CASZ1: variants seen among roughly 807,000 people sequenced by gnomAD.
CASZ1 encodes castor zinc finger 1, also known as zinc finger protein castor homolog 1.
Under a neutral mutation model 135.2 loss-of-function variants are expected in CASZ1, and 28 were observed. The observed-to-expected ratio is 0.21, with a 90% CI of 0.15 to 0.28. The LOEUF (loss-of-function observed/expected upper bound fraction) is 0.28. Among genes scored for constraint, CASZ1 ranks in the 10% least tolerant of loss-of-function variants. CASZ1 has a pLI of 1.00. For missense variants in CASZ1, 2,161 were observed against 2,453.3 expected, an observed-to-expected ratio of 0.88 and a Z score of 2.52; for synonymous variants, 1,068 against 1,073.4, an observed-to-expected ratio of 0.99 and a Z score of 0.10.
Position 10,776,036 on chromosome 1 carries a change from T to C in CASZ1, c.-233-15179A>G, listed in dbSNP as rs1217920857. The stretch of plus-strand genomic sequence containing the variant: ...CCATCAGTGGGGTCTGCTCGGTCCC[T>C]GTAGCTAATTTACACCCGTCAGGGT... On this transcript the variant is annotated intron_variant, in intron 1 of 20. Coordinates refer to ENST00000377022, the MANE Select transcript of CASZ1 (RefSeq NM_001079843.3). The surrounding 1 kb of genome is among the most constrained non-coding windows in gnomAD (Gnocchi z 4.1). 6.6e-6 allele frequency among the ~76,000 whole-genome samples: 1 copy of C among 152,204 alleles called. No individual in the cohort carries two copies. Among genetic ancestry groups the C allele is most frequent in the Non-Finnish European group, 1.5e-5 (1 of 68,034 alleles).
chr1:10,718,863 T>TTTCTC (rs372365476), intron 2 of CASZ1, among the ~76,000 whole-genome samples: 295 of 152,306 alleles, frequency 1.9e-3, no homozygotes, highest in African/African-American at 6.9e-3. Context: ...TGCCTCTTTC[T>TTTCTC]TTTTCTTTTC....
rs1326329660 is a variant in CASZ1, at chr1:10,639,251, G to A, written c.4971C>T (p.Pro1657=). The stretch of plus-strand genomic sequence containing the variant: ...CGGCGGCGGCGCCCTCGCGCGGCCC[G>A]GGGGCGGCGGCGTCGGGCGGGCCGG... ...GDPGPPDAAA[P]GPREGAAAAA... The change falls in exon 21 of 21, where the codon CCC becomes CCT. Residue 1657 remains proline (P), a synonymous_variant. Coordinates refer to ENST00000377022, the MANE Select transcript of CASZ1 (RefSeq NM_001079843.3). This position sits in a 1 kb window ranked among gnomAD's most constrained non-coding sequence, Gnocchi z 4.0. The A allele has an allele frequency of 5.9e-5, 56 of 946,854 alleles. No homozygotes were observed. Among genetic ancestry groups the A allele is most frequent in the Non-Finnish European group, 6.9e-5 (55 of 795,326 alleles). 58.7% of individuals were successfully genotyped at this position (946,854 alleles called of 1,614,324 possible).
At position 10,707,596 on chromosome 1, in the gene CASZ1, T is replaced by C. The variant is rs1349916627; in HGVS notation, c.-76-2052A>G. Among the ~76,000 whole-genome samples the C allele has an allele frequency of 3.3e-5, 5 of 152,074 alleles. No homozygotes were observed. The highest frequency in any genetic ancestry group is 9.7e-5 in the African/African-American group (4 of 41,404). ...AGGGACCAGGACATGCACGGGGTCC[T>C]GTACCCCACCTGCCCAGGGCAGGTG... On this transcript the variant is annotated intron_variant, in intron 2 of 20. Coordinates refer to ENST00000377022, the MANE Select transcript of CASZ1 (RefSeq NM_001079843.3). This position sits in a 1 kb window ranked among gnomAD's most constrained non-coding sequence, Gnocchi z 5.0.
intron 1 of CASZ1, among the ~76,000 whole-genome samples, chr1:10,791,540 A>C (rs1270678986): frequency 6.6e-6 from 1 of 152,066 alleles, no homozygotes; most frequent in African/African-American, 2.4e-5. Flanking sequence ...AAACTACACA[A>C]CCTTTCAGTG....
At chr1:10,780,762 C>T (rs1223412415) in intron 1 of CASZ1, among the ~76,000 whole-genome samples, 3 of 152,034 alleles carry the variant, frequency 2.0e-5, no homozygotes, top group Non-Finnish European at 2.9e-5. Context: ...GATCAACCAG[C>T]GTTGGAACCC....
In CASZ1 at chr1:10,711,419, G is replaced by A. The variant is rs534760511; in HGVS notation, c.-76-5875C>T. 1.2e-4 allele frequency among the ~76,000 whole-genome samples: 18 copies of A among 152,296 alleles called. No homozygotes were observed. The highest frequency in any genetic ancestry group is 3.9e-4 in the Admixed American group (6 of 15,302). On this transcript the variant is annotated intron_variant, in intron 2 of 20. Coordinates refer to ENST00000377022, the MANE Select transcript of CASZ1 (RefSeq NM_001079843.3). The surrounding 1 kb of genome is among the most constrained non-coding windows in gnomAD (Gnocchi z 4.4). ...CTCAGGGAGCTTCCATTCCTGTGCT[G>A]TTGAGGACTCGCGGAAATAATGGTT...
chr1:10,723,774 C>T (rs898424133), intron 2 of CASZ1, among the ~76,000 whole-genome samples: 1 of 152,162 alleles, frequency 6.6e-6, no homozygotes, highest in Admixed American at 6.5e-5. Flanking sequence ...GACTAGATGC[C>T]CAGGAAGCTC....
rs202221585 is a variant in CASZ1, at chr1:10,745,785, G to A, written c.-77+14916C>T. Among the ~76,000 whole-genome samples the A allele has an allele frequency of 2.8e-4, 43 of 152,280 alleles. 1 individual carries two copies. In the East Asian group the frequency reaches 7.9e-3, roughly 28 times the overall value. On this transcript the variant is annotated intron_variant, in intron 2 of 20. Transcript: ENST00000377022. ...GGCCATAGGGCACCTATGGCCCTACGGGTCTAGAAGATGGAGTGATCACAC... is the reference window on the plus strand; with the variant it reads ...GGCCATAGGGCACCTATGGCCCTACAGGTCTAGAAGATGGAGTGATCACAC...
Position 10,659,893 on chromosome 1 carries a change from C to T in CASZ1, c.1149G>A (p.Lys383=), listed in dbSNP as rs1642954154. 6.2e-7 allele frequency: 1 copy of T among 1,611,120 alleles called. No homozygotes were observed. Among genetic ancestry groups the T allele is most frequent in the South Asian group, 1.1e-5 (1 of 90,916 alleles). ...PSKYDVRGIQ[K]PGPAKVPPTP... is the part of the protein sequence containing the mutation. ...TGGGCGGAACCTTGGCGGGGCCTGGCTTCTGGATGCCCCGGACGTCGTACT... is the reference window on the plus strand; with the variant it reads ...TGGGCGGAACCTTGGCGGGGCCTGGTTTCTGGATGCCCCGGACGTCGTACT... Residue 383 remains lysine, a synonymous_variant, in exon 6 of 21, where the codon AAG becomes AAA. Transcript: ENST00000377022.
chr1:10,768,418 A>G (rs1190749084), intron 1 of CASZ1, among the ~76,000 whole-genome samples: 1 of 152,108 alleles, frequency 6.6e-6, no homozygotes, highest in African/African-American at 2.4e-5. Flanking sequence ...GGGTTTCACC[A>G]TGTTGGCCAG....
rs774021012 is a variant in CASZ1 at position 10,654,037 on chromosome 1, C to T, written c.2020G>A (p.Gly674Ser). 24 of 1,614,102 alleles carry T rather than the reference C, an allele frequency of 1.5e-5. No individual in the cohort carries two copies. The highest frequency in any genetic ancestry group is 3.3e-4 in the Middle Eastern group (2 of 6,084). The stretch of plus-strand genomic sequence containing the variant: ...GTGGAGGTGAAGGTGAAGCCGCAGC[C>T]GGCGCGGATGCAGTGGAAGTGGTTG... ...ATNHFHCIRA[G>S]CGFTFTSTSQ... is the part of the protein sequence containing the mutation. The change falls in exon 11 of 21, where the codon GGC becomes AGC. Residue 674 changes from glycine to serine, a missense_variant. Physicochemically the swap from Gly to Ser is moderately conservative, Grantham distance 56. Around this residue, in one of 7 missense-constraint regions of CASZ1, gnomAD observed 248 missense variants for 410.8 expected, o/e 0.60. Coordinates refer to ENST00000377022, the MANE Select transcript of CASZ1 (RefSeq NM_001079843.3).
intron 4 of CASZ1, among the ~76,000 whole-genome samples, chr1:10,687,243 GAACACCTGGTCTCTGGAAACAC>G (rs1638624529): frequency 6.6e-6 from 1 of 152,210 alleles, no homozygotes; most frequent in Non-Finnish European, 1.5e-5. Context: ...CGACCTTTGG[GAACACCTGGTCTCTGGAAACAC>G]AACATGTGTC....
chr1:10,764,106 G>C (rs557169773), intron 1 of CASZ1, among the ~76,000 whole-genome samples: 19 of 152,200 alleles, frequency 1.2e-4, no homozygotes, highest in Non-Finnish European at 2.2e-4. Flanking sequence ...CAGGTGATCG[G>C]CCTGCCTTGG....
At chr1:10,650,375 A>G (rs1373903279) in intron 13 of CASZ1, 1 of 161,764 alleles carries the variant, frequency 6.2e-6, no homozygotes, top group African/African-American at 2.4e-5. Flanking sequence ...AAAAATATAT[A>G]TAAAATAAAT....
rs1404150754 is a variant in CASZ1 at position 10,726,602 on chromosome 1, C to T, written c.-76-21058G>A. 6.6e-6 allele frequency among the ~76,000 whole-genome samples: 1 copy of T among 152,216 alleles called. No homozygotes were observed. The highest frequency in any genetic ancestry group is 2.4e-5 in the African/African-American group (1 of 41,456). On this transcript the variant is annotated intron_variant, in intron 2 of 20. Coordinates refer to ENST00000377022, the MANE Select transcript of CASZ1 (RefSeq NM_001079843.3). This position sits in a 1 kb window ranked among gnomAD's most constrained non-coding sequence, Gnocchi z 5.7. ...GCACGGGGAATGGAGCCCTCGCCAG[C>T]GTCTTTACTAGGCCCTGGCGCTGTG...
chr1:10,728,814 G>T (rs1425826368), intron 2 of CASZ1, among the ~76,000 whole-genome samples: 2 of 152,046 alleles, frequency 1.3e-5, no homozygotes, highest in African/African-American at 4.8e-5. Flanking sequence ...TTAATGGAGT[G>T]CCTGGCCGGC....
rs796984866 is a variant in CASZ1 at position 10,720,626 on chromosome 1, C to A, written c.-76-15082G>T. 4.1e-4 allele frequency among the ~76,000 whole-genome samples: 63 copies of A among 152,338 alleles called. No individual in the cohort carries two copies. The highest frequency in any genetic ancestry group is 1.5e-3 in the African/African-American group (63 of 41,580). ...CGGGACTCATGTCCTAATATGGGCC[C>A]AGCAGCTTTCTGGGTTATTTCGAGT... On this transcript the variant is annotated intron_variant, in intron 2 of 20. Transcript: ENST00000377022. The surrounding 1 kb of genome is among the most constrained non-coding windows in gnomAD (Gnocchi z 5.7).
intron 20 of CASZ1, 39 bp downstream of exon 20, chr1:10,642,820 G>T: frequency 6.2e-7 from 1 of 1,602,654 alleles, no homozygotes; most frequent in East Asian, 2.2e-5. Context: ...CTTTGGGAGT[G>T]GGGCCTGGCC....
intron 1 of CASZ1, among the ~76,000 whole-genome samples, chr1:10,771,528 A>G (rs201722943): frequency 2.6e-5 from 1 of 38,500 alleles, no homozygotes; most frequent in African/African-American, 3.9e-5. Flanking sequence ...AGTGTAAGGG[A>G]AAAAAAAACA....
Sources: gnomAD v4.1 joint callset for allele counts (sites outside exome capture counted in the v4.1 genomes callset) on GRCh38, gnomAD v4.1.1 for gene constraint, gnomAD v4.1.1 regional missense constraint, Gnocchi (gnomAD v3.1) non-coding constraint, MANE v1.5 for transcripts, NCBI Gene and HGNC (gene_info 2026-07-23, HGNC 2026-07-21) for gene names.